The following RGMA variants were observed in gnomAD, a reference collection of about 807,000 sequenced individuals.
RGMA encodes repulsive guidance molecule BMP co-receptor a, also known as repulsive guidance molecule A.
Under a neutral mutation model 23.2 loss-of-function variants are expected in RGMA, and 10 were observed. The ratio of observed to expected loss-of-function variants is 0.43; its 90% confidence interval spans 0.27 to 0.73. The LOEUF (loss-of-function observed/expected upper bound fraction) is 0.73. RGMA is among the 30% of genes least tolerant of loss of function. RGMA has a pLI of 0.20. For missense variants in RGMA, 547 were observed against 630.5 expected (o/e 0.87, Z 1.42); for synonymous variants, 308 against 279.3 (o/e 1.10, Z -1.03).
At position 93,047,128 on chromosome 15, in the gene RGMA, C is replaced by A. The variant is rs2054836370; in HGVS notation, c.646-1423G>T. On this transcript the variant is annotated intron_variant, in intron 3 of 3. Coordinates refer to ENST00000329082, the MANE Select transcript of RGMA (RefSeq NM_020211.3). ...AGACTCTGCGTTTCCAGACTCTGGGCTCTCTTGGCCACAAGCCCATAGGGT... is the reference window on the plus strand; with the variant it reads ...AGACTCTGCGTTTCCAGACTCTGGGATCTCTTGGCCACAAGCCCATAGGGT... Among the ~76,000 whole-genome samples the A allele has an allele frequency of 2.0e-5, 3 of 152,190 alleles. No individual in the cohort carries two copies. In the South Asian group the frequency reaches 6.2e-4, roughly 32 times the overall value.
Position 93,038,601 on chromosome 15 carries a change from T to C in RGMA, c.*6397A>G, listed in dbSNP as rs2054687287. 6.9e-6 allele frequency: 1 copy of C among 143,944 alleles called. No individual in the cohort carries two copies. Among genetic ancestry groups the C allele is most frequent in the Non-Finnish European group, 1.5e-5 (1 of 66,460 alleles). 8.9% of individuals were successfully genotyped at this position (143,944 alleles called of 1,614,324 possible). A position where few individuals can be genotyped will look rare whatever the true frequency, so the allele number is the denominator to read the frequency against. ...TTTTTTTTTTGAGACGGTGTCTTGC[T>C]CTGTCGCCCAGGCTGGAGGCTGGAG... On this transcript the variant is annotated 3_prime_UTR_variant, in exon 4 of 4. Transcript: ENST00000329082.
chr15:93,070,322 T>C (rs1035827364), intron 2 of RGMA, among the ~76,000 whole-genome samples: 3 of 152,248 alleles, frequency 2.0e-5, no homozygotes, highest in Non-Finnish European at 4.4e-5. Context: ...CCATTCAAGC[T>C]GACTAGCACA....
intron 3 of RGMA, among the ~76,000 whole-genome samples, chr15:93,050,780 C>T (rs572268317): frequency 3.9e-5 from 6 of 152,324 alleles, no homozygotes; most frequent in East Asian, 3.9e-4. Context: ...CCTCCCTGTG[C>T]GCCCTGCCAG....
chr15:93,066,385 T>A, intron 2 of RGMA: 4 of 664,478 alleles, frequency 6.0e-6, no homozygotes, highest in Non-Finnish European at 1.1e-5. Flanking sequence ...TTCGCGTGAC[T>A]CCAGGTGGGG....
intron 2 of RGMA, among the ~76,000 whole-genome samples, chr15:93,060,294 T>A (rs2055081697): frequency 6.6e-6 from 1 of 152,330 alleles, no homozygotes; most frequent in South Asian, 2.1e-4. Context: ...AAGCATATTA[T>A]GGGGTATTAT....
intron 2 of RGMA, among the ~76,000 whole-genome samples, chr15:93,064,611 C>A (rs572193880): frequency 1.3e-5 from 2 of 152,266 alleles, no homozygotes; most frequent in African/African-American, 2.4e-5. Flanking sequence ...TTTCTTAGCA[C>A]AGGGAGCAAC....
intron 3 of RGMA, among the ~76,000 whole-genome samples, chr15:93,050,384 G>A (rs907964833): frequency 2.6e-5 from 4 of 152,204 alleles, no homozygotes; most frequent in Non-Finnish European, 5.9e-5. Flanking sequence ...AGTCTGGCCC[G>A]AGTTCTGAGA....
Position 93,040,969 on chromosome 15 carries a change from C to G in RGMA, c.*4029G>C, listed in dbSNP as rs997608657. On this transcript the variant is annotated 3_prime_UTR_variant, in exon 4 of 4. Coordinates refer to ENST00000329082, the MANE Select transcript of RGMA (RefSeq NM_020211.3). ...AAGGAATCTAAGGCTCAAAAAATCCCAAGGAGACCACACAGCTCGCGACGG... is the reference window on the plus strand; with the variant it reads ...AAGGAATCTAAGGCTCAAAAAATCCGAAGGAGACCACACAGCTCGCGACGG... 1.3e-5 allele frequency: 2 copies of G among 152,088 alleles called. No individual in the cohort carries two copies. The highest frequency in any genetic ancestry group is 2.9e-5 in the Non-Finnish European group (2 of 68,036). The allele number at this position is 152,088 out of a possible 1,614,324, so 9.4% of individuals were successfully genotyped here.
intron 2 of RGMA, among the ~76,000 whole-genome samples, chr15:93,053,609 C>T (rs2054964098): frequency 6.6e-6 from 1 of 152,212 alleles, no homozygotes; most frequent in East Asian, 1.9e-4. Flanking sequence ...CAAGAACAGA[C>T]ACATTTGAGG....
At position 93,042,247 on chromosome 15, in the gene RGMA, T is replaced by C. The variant is rs1372403343; in HGVS notation, c.*2751A>G. The C allele has an allele frequency of 6.6e-6, 1 of 152,262 alleles. No homozygotes were observed. The highest frequency in any genetic ancestry group is 1.5e-5 in the Non-Finnish European group (1 of 68,082). 9.4% of individuals were successfully genotyped at this position (152,262 alleles called of 1,614,324 possible). A position where few individuals can be genotyped will look rare whatever the true frequency, so the allele number is the denominator to read the frequency against. On this transcript the variant is annotated 3_prime_UTR_variant, in exon 4 of 4. Coordinates refer to ENST00000329082, the MANE Select transcript of RGMA (RefSeq NM_020211.3). ...TAATGAACTTGGCCACTCTTGGGAC[T>C]CCTCCCCTTGCTAGCCTGCAGGTTC...
In RGMA at chr15:93,052,245, C is replaced by A. The variant is rs747507715; in HGVS notation, c.393G>T (p.Pro131=). 15 of 1,606,046 alleles carry A rather than the reference C, an allele frequency of 9.3e-6. No individual in the cohort carries two copies. In the South Asian group the frequency reaches 1.3e-4, roughly 14 times the overall value. Reference sequence around the variant, plus strand: ...CCGAGCGCTCCTGGCTGTCTCCGGCCGGTGGGAGCGTGCGCAGGCGTGGCT... The same window carrying A: ...CCGAGCGCTCCTGGCTGTCTCCGGCAGGTGGGAGCGTGCGCAGGCGTGGCT... ...TSQPRLRTLP[P]AGDSQERSDS... Residue 131 remains proline (P), a synonymous_variant, in exon 3 of 4, where the codon CCG becomes CCT. Transcript: ENST00000329082.
At chr15:93,054,904 G>A (rs943886773) in intron 2 of RGMA, among the ~76,000 whole-genome samples, 1 of 152,146 alleles carries the variant, frequency 6.6e-6, no homozygotes, top group Admixed American at 6.6e-5. Context: ...TGTAGGCTTT[G>A]AAATGTTGGT....
intron 1 of RGMA, among the ~76,000 whole-genome samples, chr15:93,083,350 C>T (rs1895588413): frequency 6.6e-6 from 1 of 151,964 alleles, no homozygotes; most frequent in Admixed American, 6.5e-5. Flanking sequence ...TTTTTTGAGA[C>T]AAAGTCTCAC....
At chr15:93,060,357 T>A (rs2055082727) in intron 2 of RGMA, among the ~76,000 whole-genome samples, 2 of 152,234 alleles carry the variant, frequency 1.3e-5, no homozygotes, top group South Asian at 4.1e-4. Context: ...TGAATTTTCC[T>A]GATTAGCTAT....
chr15:93,065,738 G>A (rs1895122729), intron 2 of RGMA: 3 of 1,194,220 alleles, frequency 2.5e-6, no homozygotes, highest in Non-Finnish European at 3.7e-6. Context: ...CCATCAGCGG[G>A]ACCGTGGCTG....
At chr15:93,052,564 G>T (rs2054945557) in intron 2 of RGMA, 57 bp from the exon 3 acceptor site, 11 of 1,484,266 alleles carry the variant, frequency 7.4e-6, no homozygotes, top group Non-Finnish European at 9.9e-6. Context: ...CCCAGCTTCT[G>T]CTACCATCTG....
rs2054686927 is a variant in RGMA, at chr15:93,038,585, T to TTTTTTTTG, written c.*6412_*6413insCAAAAAAA. The TTTTTTTTG allele has an allele frequency of 6.8e-6, 1 of 146,032 alleles. No homozygotes were observed. The highest frequency in any genetic ancestry group is 6.8e-5 in the Admixed American group (1 of 14,752). The allele number at this position is 146,032 out of a possible 1,614,324, so 9.0% of individuals were successfully genotyped here. On this transcript the variant is annotated 3_prime_UTR_variant, in exon 4 of 4. Transcript: ENST00000329082. ...CTGTTAGTTGTTTTTTTTTTTTTTT[T>TTTTTTTTG]GAGACGGTGTCTTGCTCTGTCGCCC...
chr15:93,087,276 A>G (rs1895649644), intron 1 of RGMA, among the ~76,000 whole-genome samples: 1 of 152,086 alleles, frequency 6.6e-6, no homozygotes, highest in Non-Finnish European at 1.5e-5. Flanking sequence ...GGAAGGTGGC[A>G]GCAAAAACCA....
At chr15:93,073,183 G>A (rs1338023972) in intron 1 of RGMA, 152 bp from the exon 2 acceptor site, 3 of 1,222,636 alleles carry the variant, frequency 2.5e-6, no homozygotes, top group East Asian at 3.6e-5. Flanking sequence ...CGCCCCCCGC[G>A]CGCCCCTCCC....
Sources: gnomAD v4.1 joint callset for allele counts (sites outside exome capture counted in the v4.1 genomes callset) on GRCh38, gnomAD v4.1.1 for gene constraint, MANE v1.5 for transcripts, NCBI Gene and HGNC (gene_info 2026-07-23, HGNC 2026-07-21) for gene names.